TOPORS: variants seen among roughly 807,000 people sequenced by gnomAD.
TOPORS encodes the protein E3 ubiquitin-protein ligase Topors.
A neutral mutation model predicts 81.4 loss-of-function variants in TOPORS; 25 were observed. That is an observed-to-expected ratio of 0.31 (90% CI 0.22 to 0.43). TOPORS has a LOEUF of 0.43. TOPORS is among the 20% of genes least tolerant of loss of function. TOPORS has a pLI of 1.00. For missense variants in TOPORS, 1,101 were observed against 1,267.0 expected, an observed-to-expected ratio of 0.87 and a Z score of 1.99; for synonymous variants, 473 against 456.6, an observed-to-expected ratio of 1.04 and a Z score of -0.46.
Position 32,543,966 on chromosome 9 carries a change from C to T in TOPORS, c.559G>A (p.Glu187Lys). 1 of 1,614,100 alleles carries T rather than the reference C, an allele frequency of 6.2e-7. No individual in the cohort carries two copies. The highest frequency in any genetic ancestry group is 8.5e-7 in the Non-Finnish European group (1 of 1,180,020). ...RFRYRTTLTR[E>K]RNASVYSPSG... Reference sequence around the variant, plus strand: ...GGTGAATACACAGAAGCATTTCGTTCCCTTGTCAGAGTTGTACGGTAGCGA... The same window carrying T: ...GGTGAATACACAGAAGCATTTCGTTTCCTTGTCAGAGTTGTACGGTAGCGA... Residue 187 changes from glutamate to lysine, a missense_variant, in exon 3 of 3, where the codon GAA (glutamate) becomes AAA (lysine). Coordinates refer to ENST00000360538, the MANE Select transcript of TOPORS (RefSeq NM_005802.5). The surrounding 1 kb of genome is among the most constrained non-coding windows in gnomAD (Gnocchi z 5.6).
intron 2 of TOPORS, among the ~76,000 whole-genome samples, chr9:32,550,427 T>C (rs1228916550): frequency 1.3e-5 from 2 of 152,226 alleles, no homozygotes; most frequent in Non-Finnish European, 2.9e-5. Flanking sequence ...ACAGACAGGC[T>C]CAGGGATTTA....
intron 1 of TOPORS, 188 bp downstream of exon 1, chr9:32,552,246 C>G: frequency 1.4e-6 from 1 of 738,978 alleles, no homozygotes; most frequent in Non-Finnish European, 2.3e-6. Flanking sequence ...GGGCAAGGCC[C>G]CCGATCACGT....
chr9:32,545,277 T>C (rs1821126917), intron 2 of TOPORS, among the ~76,000 whole-genome samples: 1 of 151,996 alleles, frequency 6.6e-6, no homozygotes, highest in African/African-American at 2.4e-5. Context: ...CCACAGAATA[T>C]CTTGAAATCA....
At position 32,551,106 on chromosome 9, in the gene TOPORS, G is replaced by A; in HGVS notation, c.4-138C>T. The stretch of plus-strand genomic sequence containing the variant: ...GCAGCAGATGGACGCCGGCCTCGGG[G>A]GCGGGGCTCAGCGCACCGGCCCAAA... On this transcript the variant is annotated intron_variant, in intron 1 of 2. Transcript: ENST00000360538. The A allele has an allele frequency of 3.6e-6, 4 of 1,125,932 alleles. No homozygotes were observed. The South Asian group carries it at 5.4e-5, about 15-fold the overall frequency. 69.7% of individuals were successfully genotyped at this position (1,125,932 alleles called of 1,614,324 possible). A position where few individuals can be genotyped will look rare whatever the true frequency, so the allele number is the denominator to read the frequency against.
chr9:32,551,053 A>C, intron 1 of TOPORS, 85 bp from the exon 2 acceptor site: 3 of 1,457,254 alleles, frequency 2.1e-6, no homozygotes, highest in East Asian at 2.4e-5. Context: ...GCGCATCAAA[A>C]CACAACACCC....
chr9:32,552,351 G>A (rs534310795), intron 1 of TOPORS, 83 bp downstream of exon 1: 5 of 1,562,358 alleles, frequency 3.2e-6, no homozygotes, highest in African/African-American at 2.7e-5. Flanking sequence ...GATGGCTGCT[G>A]GCGCCTGGCA....
At position 32,541,463 on chromosome 9, in the gene TOPORS, TCA is replaced by T; in HGVS notation, c.3060_3061del (p.Glu1021AlafsTer19). Reference sequence around the variant, plus strand: ...TGGCGATGGCAATTGCCTTGATGGCTCAGTTTGAAGAGACACAATGTTACTGG... The same window carrying T: ...TGGCGATGGCAATTGCCTTGATGGCTGTTTGAAGAGACACAATGTTACTGG... On this transcript the variant is annotated frameshift_variant, in exon 3 of 3. Coordinates refer to ENST00000360538, the MANE Select transcript of TOPORS (RefSeq NM_005802.5). LOFTEE classifies it high-confidence loss of function. 1 of 1,614,216 alleles carries T rather than the reference TCA, an allele frequency of 6.2e-7. No homozygotes were observed. Among genetic ancestry groups the T allele is most frequent in the Non-Finnish European group, 8.5e-7 (1 of 1,180,030 alleles).
At chr9:32,548,066 G>C (rs1821165453) in intron 2 of TOPORS, among the ~76,000 whole-genome samples, 1 of 141,132 alleles carries the variant, frequency 7.1e-6, no homozygotes, top group Non-Finnish European at 1.5e-5. Context: ...TAGCCAGGAT[G>C]GTCTCGATCT....
rs1418674328 is a variant in TOPORS, at chr9:32,552,485, T to G, written c.-49A>C. On this transcript the variant is annotated 5_prime_UTR_variant, in exon 1 of 3. Coordinates refer to ENST00000360538, the MANE Select transcript of TOPORS (RefSeq NM_005802.5). Reference sequence around the variant, plus strand: ...TGGACTGGATTTATTCAGTGGTAAGTCCCGGGGATCGCGGGCCCCCACCGT... The same window carrying G: ...TGGACTGGATTTATTCAGTGGTAAGGCCCGGGGATCGCGGGCCCCCACCGT... 12 of 1,588,460 alleles carry G rather than the reference T, an allele frequency of 7.6e-6. No individual in the cohort carries two copies. The highest frequency in any genetic ancestry group is 9.4e-6 in the Non-Finnish European group (11 of 1,167,978).
intron 2 of TOPORS, among the ~76,000 whole-genome samples, chr9:32,545,550 C>A (rs1821130113): frequency 6.6e-6 from 1 of 151,824 alleles, no homozygotes; most frequent in Non-Finnish European, 1.5e-5. Flanking sequence ...CACCTGAGGT[C>A]AGGAGTTCAA....
Position 32,550,801 on chromosome 9 carries a change from T to G in TOPORS, c.171A>C (p.Pro57=). 5 of 1,612,606 alleles carry G rather than the reference T, an allele frequency of 3.1e-6. No homozygotes were observed. The highest frequency in any genetic ancestry group is 2.2e-5 in the East Asian group (1 of 44,858). The change falls in exon 2 of 3, where the codon CCA becomes CCC. Residue 57 remains proline (P), a synonymous_variant. Transcript: ENST00000360538. ...CGGAGGATGCCGGCGCAGGCCTGGC[T>G]GGGGCGCTCGCCGCGAGCTCCCGGC... ...LGCRELAASA[P]ARPAPASSEI...
At chr9:32,552,217 A>G in intron 1 of TOPORS, 3 of 597,108 alleles carry the variant, frequency 5.0e-6, no homozygotes, top group South Asian at 1.9e-5. Flanking sequence ...TTTCTCGTTT[A>G]TTCCCCTCTC....
rs777060129 is a variant in TOPORS, at chr9:32,542,089, T to C, written c.2436A>G (p.Pro812=). 1.9e-6 allele frequency: 3 copies of C among 1,614,184 alleles called. No individual in the cohort carries two copies. The highest frequency in any genetic ancestry group is 1.3e-5 in the African/African-American group (1 of 75,050). Residue 812 remains proline, a synonymous_variant, in exon 3 of 3, where the codon CCA becomes CCG. Coordinates refer to ENST00000360538, the MANE Select transcript of TOPORS (RefSeq NM_005802.5). The part of the protein sequence containing the change: ...HLEGTNEVAQ[P]SREFASKAKD... ...TTGCTTTAGAAGCAAATTCACGAGA[T>C]GGCTGAGCCACTTCGTTAGTACCCT... is the stretch of plus-strand genomic sequence containing the variant.
chr9:32,549,351 A>T (rs1427055682), intron 2 of TOPORS, among the ~76,000 whole-genome samples: 2 of 152,200 alleles, frequency 1.3e-5, no homozygotes, highest in African/African-American at 4.8e-5. Flanking sequence ...TATGGCATAC[A>T]CTGTATATAA....
At chr9:32,552,210 C>T (rs1821292506) in intron 1 of TOPORS, 7 of 521,926 alleles carry the variant, frequency 1.3e-5, no homozygotes, top group Non-Finnish European at 2.4e-5. Flanking sequence ...TTAACATTTT[C>T]TCGTTTATTC....
chr9:32,541,534 A>G lies in TOPORS; in HGVS notation c.2991T>C (p.Asp997=), dbSNP rs12348918. The change falls in exon 3 of 3, where the codon GAT becomes GAC. Residue 997 remains aspartate, a synonymous_variant. Transcript: ENST00000360538. ...AAACAAAGGTGCTCTCTTCTCTTACATCGAGAGTTTGTTCAACTGAAGCTG... is the reference window on the plus strand; with the variant it reads ...AAACAAAGGTGCTCTCTTCTCTTACGTCGAGAGTTTGTTCAACTGAAGCTG... ...PLAASVEQTL[D]VREESTFVSD... 359,086 of 1,614,012 alleles carry G rather than the reference A, an allele frequency of 0.22. 43,453 individuals are homozygous for G. Among genetic ancestry groups the G allele is most frequent in the Non-Finnish European group, 0.25 (297,828 of 1,179,914 alleles).
Position 32,541,503 on chromosome 9 carries a change from A to T in TOPORS, c.3022T>A (p.Leu1008Met). The T allele has an allele frequency of 6.2e-7, 1 of 1,614,226 alleles. No individual in the cohort carries two copies. The highest frequency in any genetic ancestry group is 8.5e-7 in the Non-Finnish European group (1 of 1,180,024). ...ACAATGTTACTGGGCTGGTTCTCCA[A>T]ATCAGAAACAAAGGTGCTCTCTTCT... ...VREESTFVSD[L>M]ENQPSNIVSL... Residue 1008 changes from leucine (L) to methionine (M), a missense_variant, in exon 3 of 3, where the codon TTG becomes ATG. Around this residue, in one of 9 missense-constraint regions of TOPORS, gnomAD observed 605 missense variants for 636.1 expected, o/e 0.95. Coordinates refer to ENST00000360538, the MANE Select transcript of TOPORS (RefSeq NM_005802.5).
At position 32,543,043 on chromosome 9, in the gene TOPORS, A is replaced by C; in HGVS notation, c.1482T>G (p.Leu494=). 1 of 1,614,174 alleles carries C rather than the reference A, an allele frequency of 6.2e-7. No individual in the cohort carries two copies. Among genetic ancestry groups the C allele is most frequent in the Non-Finnish European group, 8.5e-7 (1 of 1,180,016 alleles). Residue 494 remains leucine, a synonymous_variant, in exon 3 of 3, where the codon CTT becomes CTG. Coordinates refer to ENST00000360538, the MANE Select transcript of TOPORS (RefSeq NM_005802.5). This position sits in a 1 kb window ranked among gnomAD's most constrained non-coding sequence, Gnocchi z 5.6. ...CCTCAGAATCAGAGGACAGTTCAAC[A>C]AGTTCTGGGGTCCTCTCAGCTAGTG... is the stretch of plus-strand genomic sequence containing the variant. ...VKPLAERTPE[L]VELSSDSEDL...
chr9:32,547,899 G>A (rs1440766877), intron 2 of TOPORS, among the ~76,000 whole-genome samples: 1 of 151,746 alleles, frequency 6.6e-6, no homozygotes, highest in Admixed American at 6.6e-5. Context: ...TGGCGCGATC[G>A]TGGCTCACTG....
Sources: gnomAD v4.1 joint callset for allele counts (sites outside exome capture counted in the v4.1 genomes callset) on GRCh38, gnomAD v4.1.1 for gene constraint, gnomAD v4.1.1 regional missense constraint, Gnocchi (gnomAD v3.1) non-coding constraint, MANE v1.5 for transcripts, NCBI Gene and HGNC (gene_info 2026-07-23, HGNC 2026-07-21) for gene names.